TLE4: variants seen among roughly 807,000 people sequenced by gnomAD.
TLE4 encodes the protein TLE family member 4, transcriptional corepressor.
Under a neutral mutation model 92.8 loss-of-function variants are expected in TLE4, and 8 were observed. That is an observed-to-expected ratio of 0.09 (90% CI 0.05 to 0.16). The LOEUF is 0.16. Among genes scored for constraint, TLE4 ranks in the 10% least tolerant of loss-of-function variants. The probability of loss-of-function intolerance (pLI) is 1.00; values close to 1 mark genes in which losing one functional copy is unlikely to be tolerated. For synonymous variants in TLE4, 371 were observed against 374.1 expected, an observed-to-expected ratio of 0.99 and a Z score of 0.10; for missense variants, 675 against 997.6, an observed-to-expected ratio of 0.68 and a Z score of 4.36.
intron 8 of TLE4, among the ~76,000 whole-genome samples, chr9:79,695,649 A>C (rs1215578091): frequency 6.6e-6 from 1 of 152,168 alleles, no homozygotes; most frequent in Non-Finnish European, 1.5e-5. Context: ...AGATGAGATA[A>C]ATAATCAAAA....
chr9:79,681,922 T>A (rs1370572065), intron 8 of TLE4, among the ~76,000 whole-genome samples: 1 of 151,806 alleles, frequency 6.6e-6, no homozygotes, highest in African/African-American at 2.4e-5. Context: ...GATATTTTTT[T>A]AATGACTCTT....
At chr9:79,723,780 A>G (rs950618122) in intron 19 of TLE4, among the ~76,000 whole-genome samples, 2 of 152,272 alleles carry the variant, frequency 1.3e-5, no homozygotes, top group African/African-American at 4.8e-5. Flanking sequence ...AATAGTATGC[A>G]AGATAATCAG....
At chr9:79,620,047 G>A (rs2050590130) in intron 5 of TLE4, among the ~76,000 whole-genome samples, 1 of 152,176 alleles carries the variant, frequency 6.6e-6, no homozygotes. Context: ...TCAGGAGGTA[G>A]AACTTTTTTC....
chr9:79,584,276 A>G (rs756599334), intron 4 of TLE4, among the ~76,000 whole-genome samples: 1 of 152,186 alleles, frequency 6.6e-6, no homozygotes, highest in Non-Finnish European at 1.5e-5. Flanking sequence ...ATCTCTAGTG[A>G]GAGATCTGAT....
At chr9:79,683,662 A>T (rs945156913) in intron 8 of TLE4, among the ~76,000 whole-genome samples, 1 of 152,204 alleles carries the variant, frequency 6.6e-6, no homozygotes, top group Non-Finnish European at 1.5e-5. Context: ...GGTGTGGTTA[A>T]TCTCACTGAT....
chr9:79,673,292 C>A (rs1480567820), intron 8 of TLE4, among the ~76,000 whole-genome samples: 2 of 152,130 alleles, frequency 1.3e-5, no homozygotes, highest in Non-Finnish European at 2.9e-5. Flanking sequence ...CAAATCAAAT[C>A]TGATTATAAC....
chr9:79,608,465 AG>A (rs1182076360), intron 4 of TLE4, among the ~76,000 whole-genome samples: 1 of 152,104 alleles, frequency 6.6e-6, no homozygotes, highest in Non-Finnish European at 1.5e-5. Context: ...AAAGTATTTC[AG>A]GCAGGGTAAG....
At chr9:79,599,583 C>G (rs1258776649) in intron 4 of TLE4, among the ~76,000 whole-genome samples, 1 of 152,190 alleles carries the variant, frequency 6.6e-6, no homozygotes. Context: ...GTAGTAATTG[C>G]TTTTAATGTG....
chr9:79,572,920 G>C, intron 1 of TLE4, 85 bp downstream of exon 1: 2 of 1,453,562 alleles, frequency 1.4e-6, no homozygotes, highest in Non-Finnish European at 1.9e-6. Context: ...GTGTCTTTTG[G>C]CCGGAGGGGC....
intron 8 of TLE4, among the ~76,000 whole-genome samples, chr9:79,694,085 G>A (rs1302207737): frequency 6.6e-6 from 1 of 152,190 alleles, no homozygotes; most frequent in Non-Finnish European, 1.5e-5. Flanking sequence ...GCAAGACAGA[G>A]TATTGACAGA....
Position 79,613,243 on chromosome 9 carries a change from A to T in TLE4, c.315+525A>T, listed in dbSNP as rs571493474. Among the ~76,000 whole-genome samples the T allele has an allele frequency of 3.3e-4, 50 of 152,250 alleles. 1 individual carries two copies. The highest frequency in any genetic ancestry group is 3.2e-3 in the Admixed American group (49 of 15,288). On this transcript the variant is annotated intron_variant, in intron 5 of 19. Transcript: ENST00000376552. ...GGGAAAAGACCTGCAAGATGAACTC[A>T]TTGAACTCGTTTCTCTGAGTGCCAC...
In TLE4 at chr9:79,641,207, G is replaced by C. The variant is rs117229945; in HGVS notation, c.391-11386G>C. Among the ~76,000 whole-genome samples, 977 of 150,250 alleles carry C rather than the reference G, an allele frequency of 6.5e-3. 6 individuals carry two copies. Among genetic ancestry groups the C allele is most frequent in the Non-Finnish European group, 0.011 (768 of 67,744 alleles). ...ACAGAAAGCCCAACCCATGAGAAAA[G>C]ATTGATAGTATTTAATACTCACTTG... On this transcript the variant is annotated intron_variant, in intron 6 of 19. Transcript: ENST00000376552.
At chr9:79,588,135 C>CGTGTGTGTGTGTGTGTGTGT (rs71364418) in intron 4 of TLE4, among the ~76,000 whole-genome samples, 5,759 of 146,712 alleles carry the variant, frequency 0.039, 141 homozygotes, top group African/African-American at 0.049. Context: ...TTTATCCTTG[C>CGTGTGTGTGTGTGTGTGTGT]GTGTGTGTGT....
intron 4 of TLE4, among the ~76,000 whole-genome samples, chr9:79,609,586 G>A (rs2047903856): frequency 6.6e-6 from 1 of 152,064 alleles, no homozygotes. Flanking sequence ...TTGTTAATGT[G>A]TTTGACAAAG....
chr9:79,680,276 A>G (rs2064233823), intron 8 of TLE4, among the ~76,000 whole-genome samples: 2 of 151,294 alleles, frequency 1.3e-5, no homozygotes, highest in African/African-American at 4.9e-5. Flanking sequence ...ATTTGTTTGT[A>G]TCCTCTTTTA....
At chr9:79,628,910 A>G (rs373017366) in intron 6 of TLE4, among the ~76,000 whole-genome samples, 700 of 137,840 alleles carry the variant, frequency 5.1e-3, no homozygotes, top group Non-Finnish European at 6.7e-3. Flanking sequence ...GTGTGTGTGT[A>G]TATGTATAAA....
intron 8 of TLE4, among the ~76,000 whole-genome samples, chr9:79,703,310 G>A (rs1202858190): frequency 1.3e-5 from 2 of 152,140 alleles, no homozygotes; most frequent in African/African-American, 4.8e-5. Flanking sequence ...GCCCTGCCAA[G>A]GGACTGTGTT....
chr9:79,695,067 T>G (rs2067932399), intron 8 of TLE4, among the ~76,000 whole-genome samples: 1 of 152,150 alleles, frequency 6.6e-6, no homozygotes, highest in African/African-American at 2.4e-5. Context: ...ACTTTCCCTC[T>G]TATAGGAAAG....
chr9:79,708,283 A>G (rs1392433187), intron 12 of TLE4, 33 bp downstream of exon 12: 2 of 1,608,622 alleles, frequency 1.2e-6, no homozygotes, highest in Admixed American at 3.4e-5. Flanking sequence ...CTATATTTTT[A>G]TGCTCGTTTT....
Sources: allele counts gnomAD v4.1 joint callset (sites outside exome capture counted in the v4.1 genomes callset), GRCh38; gene constraint gnomAD v4.1.1; transcripts MANE v1.5; gene names NCBI Gene and HGNC (gene_info 2026-07-23, HGNC 2026-07-21).